PCDHGB2: variants seen among roughly 807,000 people sequenced by gnomAD.
PCDHGB2 encodes the protein protocadherin gamma subfamily B, 2, also known as protocadherin gamma-B2.
PCDHGB2 carries 55 observed loss-of-function variants against 59.3 expected under a neutral mutation model. The ratio of observed to expected loss-of-function variants is 0.93; its 90% CI spans 0.75 to 1.16. The LOEUF is 1.16. Among genes scored for constraint, PCDHGB2 ranks in the 50% most tolerant of loss-of-function variants. PCDHGB2 has a pLI of 0.00. For missense variants in PCDHGB2, 1,228 were observed against 1,198.5 expected, an observed-to-expected ratio of 1.02 and a Z score of -0.36; for synonymous variants, 516 against 512.0, an observed-to-expected ratio of 1.01 and a Z score of -0.11.
chr5:141,449,147 G>T (rs2098630156), intron 1 of PCDHGB2, among the ~76,000 whole-genome samples: 1 of 152,110 alleles, frequency 6.6e-6, no homozygotes, highest in African/African-American at 2.4e-5. Flanking sequence ...AAATTGCTGG[G>T]TCAAAGAGGA....
chr5:141,421,572 G>T, intron 1 of PCDHGB2: 1 of 1,613,954 alleles, frequency 6.2e-7, no homozygotes, highest in Admixed American at 1.7e-5. Flanking sequence ...AAGACACCTT[G>T]AAGATTTACG....
At chr5:141,405,104 C>T in intron 1 of PCDHGB2, 1 of 1,613,940 alleles carries the variant, frequency 6.2e-7, no homozygotes, top group Non-Finnish European at 8.5e-7. Flanking sequence ...CAGGCTGAGG[C>T]ACTGGCACTC....
At chr5:141,405,038 G>T in intron 1 of PCDHGB2, 1 of 1,613,964 alleles carries the variant, frequency 6.2e-7, no homozygotes, top group Non-Finnish European at 8.5e-7. Flanking sequence ...CCTCGTTGTG[G>T]CTGTGGCAGT....
intron 3 of PCDHGB2, among the ~76,000 whole-genome samples, chr5:141,509,693 G>A (rs72790076): frequency 0.024 from 3,613 of 152,246 alleles, 55 homozygotes; most frequent in East Asian, 0.046. Flanking sequence ...ACAGTGGGAC[G>A]TTGGACTGGA....
At chr5:141,419,084 G>A in intron 1 of PCDHGB2, 2 of 1,613,920 alleles carry the variant, frequency 1.2e-6, no homozygotes, top group Non-Finnish European at 1.7e-6. Flanking sequence ...AACAGATGAG[G>A]CCCTGGATCG....
chr5:141,470,262 A>C (rs924170384), intron 1 of PCDHGB2, among the ~76,000 whole-genome samples: 2 of 152,126 alleles, frequency 1.3e-5, no homozygotes, highest in African/African-American at 4.8e-5. Context: ...CTAAATGGAG[A>C]TACATGTTTG....
At chr5:141,418,743 A>G in intron 1 of PCDHGB2, 5 of 1,613,954 alleles carry the variant, frequency 3.1e-6, no homozygotes, top group African/African-American at 1.3e-5. Context: ...TTCTCTCTGG[A>G]TTACACTACA....
chr5:141,458,513 GT>G (rs537551567), intron 1 of PCDHGB2, among the ~76,000 whole-genome samples: 34 of 146,056 alleles, frequency 2.3e-4, no homozygotes, highest in South Asian at 6.5e-4. Flanking sequence ...TTGACACTTT[GT>G]TTTTTTTTTT....
chr5:141,426,371 C>T (rs987346395), intron 1 of PCDHGB2: 4 of 217,048 alleles, frequency 1.8e-5, no homozygotes, highest in African/African-American at 9.0e-5. Context: ...TGCGGGGCAC[C>T]CTCGGAGCAG....
chr5:141,385,381 T>C, intron 1 of PCDHGB2: 1 of 1,517,334 alleles, frequency 6.6e-7, no homozygotes, highest in South Asian at 1.3e-5. Context: ...TATTTCTCTA[T>C]TATTTTGCAA....
At position 141,470,874 on chromosome 5, in the gene PCDHGB2, T is replaced by G. The variant is rs146599745; in HGVS notation, c.2422-23933T>G. ...AGATAAGTTTTTTGTTTGTTTGTTT[T>G]TTTGTTTTTGTTTTTGTTTTTTGTA... On this transcript the variant is annotated intron_variant, in intron 1 of 3. Coordinates refer to ENST00000522605, the MANE Select transcript of PCDHGB2 (RefSeq NM_018923.3). 1.4e-3 allele frequency among the ~76,000 whole-genome samples: 218 copies of G among 151,820 alleles called. 1 individual carries two copies. Among genetic ancestry groups the G allele is most frequent in the Middle Eastern group, 0.01 (3 of 294 alleles).
intron 2 of PCDHGB2, among the ~76,000 whole-genome samples, chr5:141,499,099 C>T (rs1031964059): frequency 1.3e-5 from 2 of 152,156 alleles, no homozygotes; most frequent in Non-Finnish European, 2.9e-5. Context: ...ACATGCTTCT[C>T]CTCCCCACCA....
intron 1 of PCDHGB2, chr5:141,399,959 G>T (rs1257286209): frequency 6.2e-7 from 1 of 1,612,230 alleles, no homozygotes; most frequent in East Asian, 2.2e-5. Context: ...AGCGAGCCCG[G>T]GCTCTTCAGC....
intron 1 of PCDHGB2, among the ~76,000 whole-genome samples, chr5:141,483,160 T>C (rs1199191595): frequency 6.6e-6 from 1 of 152,176 alleles, no homozygotes; most frequent in Non-Finnish European, 1.5e-5. Flanking sequence ...AGTTAGATCC[T>C]GAGTTACCTT....
chr5:141,415,305 C>G (rs200439097), intron 1 of PCDHGB2: 1 of 1,614,234 alleles, frequency 6.2e-7, no homozygotes, highest in African/African-American at 1.3e-5. Context: ...TCTTCCTGGC[C>G]TTCGTCATCG....
chr5:141,398,888 A>G (rs2093720509), intron 1 of PCDHGB2: 2 of 1,613,968 alleles, frequency 1.2e-6, no homozygotes, highest in East Asian at 4.5e-5. Context: ...CTTCGGGAAA[A>G]CGTGCCACCA....
chr5:141,374,975 A>G (rs770625909), intron 1 of PCDHGB2: 2 of 1,613,964 alleles, frequency 1.2e-6, no homozygotes, highest in Non-Finnish European at 8.5e-7. Context: ...GAATGTTTTG[A>G]CTGGAGAAAT....
chr5:141,389,429 G>A (rs201662463), intron 1 of PCDHGB2: 149 of 1,610,654 alleles, frequency 9.3e-5, no homozygotes, highest in Non-Finnish European at 8.6e-5. Context: ...TGTTCGCGCA[G>A]CGCGCCTTCG....
chr5:141,422,987 A>AG, intron 1 of PCDHGB2: 1 of 1,614,168 alleles, frequency 6.2e-7, no homozygotes. Context: ...GAACCTGGCT[A>AG]CCTGGTGACC....
Sources: gnomAD v4.1 joint callset for allele counts (sites outside exome capture counted in the v4.1 genomes callset) on GRCh38, gnomAD v4.1.1 for gene constraint, MANE v1.5 for transcripts, NCBI Gene and HGNC (gene_info 2026-07-23, HGNC 2026-07-21) for gene names.